Variants in FHL1 observed in about 807,000 individuals in gnomAD.
FHL1 encodes the protein four and a half LIM domains protein 1.
A neutral mutation model predicts 20.3 loss-of-function variants in FHL1; 1 was observed. That is an observed-to-expected ratio of 0.05 (90% CI 0.02 to 0.23). The LOEUF (loss-of-function observed/expected upper bound fraction) is 0.23, where lower values mean the gene tolerates loss of function less well. Among genes scored for constraint, FHL1 ranks in the 10% least tolerant of loss-of-function variants. FHL1 has a pLI of 1.00. For synonymous variants in FHL1, 82 were observed against 88.9 expected (o/e 0.92, Z 0.44); for missense variants, 177 against 234.0 (o/e 0.76, Z 1.59).
In FHL1 at chrX:136,182,390, A is replaced by C. The variant is rs143118125; in HGVS notation, c.-27+12410A>C. 3.6e-3 allele frequency among the ~76,000 whole-genome samples: 403 copies of C among 112,153 alleles called. 1 individual carries two copies. The highest frequency in any genetic ancestry group is 0.012 in the African/African-American group (368 of 30,903). ...CCCTGGTGTCAAGGTGTTAAGTGCA[A>C]ATTATTATTATTATTTTTTAAAGAA... On this transcript the variant is annotated intron_variant, in intron 2 of 6. Transcript: ENST00000394153.
upstream of FHL1, among the ~76,000 whole-genome samples, chrX:136,194,788 C>G (rs960172696): frequency 8.9e-6 from 1 of 112,150 alleles, no homozygotes; most frequent in African/African-American, 3.2e-5. Flanking sequence ...AAGTTACCAA[C>G]TATTCTTCCT....
At chrX:136,151,635 C>G (rs1431180898) in intron 1 of FHL1, among the ~76,000 whole-genome samples, 1 of 112,037 alleles carries the variant, frequency 8.9e-6, no homozygotes, top group Non-Finnish European at 1.9e-5. Context: ...ATCGCTTGGA[C>G]CCAGGAGGCG....
intron 2 of FHL1, among the ~76,000 whole-genome samples, chrX:136,190,240 C>T (rs1271829300): frequency 9.0e-6 from 1 of 111,259 alleles, no homozygotes; most frequent in Non-Finnish European, 1.9e-5. Context: ...ACTTCGTGTT[C>T]CTGTCATTCT....
intron 2 of FHL1, among the ~76,000 whole-genome samples, chrX:136,171,454 A>G (rs2072865173): frequency 9.0e-6 from 1 of 111,468 alleles, no homozygotes; most frequent in Non-Finnish European, 1.9e-5. Flanking sequence ...TTTCCCACAG[A>G]AGAGGCTAGA....
chrX:136,205,410 G>C (rs2073815303), intron 1 of FHL1, among the ~76,000 whole-genome samples: 1 of 111,895 alleles, frequency 8.9e-6, no homozygotes. Context: ...ATCCCAAATG[G>C]TAATACTGGT....
intron 1 of FHL1, among the ~76,000 whole-genome samples, chrX:136,200,406 C>T (rs2073678356): frequency 9.0e-6 from 1 of 111,588 alleles, no homozygotes; most frequent in South Asian, 3.7e-4. Context: ...GCATTAGGTT[C>T]ATAAGTCCAT....
intron 2 of FHL1, among the ~76,000 whole-genome samples, chrX:136,179,889 T>G (rs780467702): frequency 8.9e-6 from 1 of 112,012 alleles, no homozygotes; most frequent in Non-Finnish European, 1.9e-5. Flanking sequence ...TCCTACCACC[T>G]AGAGTCAGCA....
chrX:136,205,468 G>A (rs898268605), intron 1 of FHL1, among the ~76,000 whole-genome samples: 1 of 111,850 alleles, frequency 8.9e-6, no homozygotes, highest in African/African-American at 3.3e-5. Flanking sequence ...CTCAAGGGAG[G>A]GTTTGATTTT....
intron 2 of FHL1, among the ~76,000 whole-genome samples, chrX:136,184,377 G>A (rs865877920): frequency 9.0e-6 from 1 of 111,481 alleles, no homozygotes; most frequent in African/African-American, 3.3e-5. Context: ...AAAATACCCC[G>A]TACAAATATG....
chrX:136,161,751 T>TA lies in FHL1; in HGVS notation c.-100-8155dup, dbSNP rs769868337. ...TACTTAGTAAGATGAAATAAAAAAA[T>TA]ATTTATCCAGTGCTTACTCTAAGGA... On this transcript the variant is annotated intron_variant, in intron 1 of 7. Transcript: ENST00000394155. Among the ~76,000 whole-genome samples, 28 of 111,453 alleles carry TA rather than the reference T, an allele frequency of 2.5e-4. No homozygotes were observed. The South Asian group carries it at 0.011, about 42-fold the overall frequency.
chrX:136,181,640 T>C (rs2073161098), intron 2 of FHL1, among the ~76,000 whole-genome samples: 1 of 112,459 alleles, frequency 8.9e-6, no homozygotes, highest in Admixed American at 9.4e-5. Flanking sequence ...CCACATTCTG[T>C]GCCCATAGTT....
At chrX:136,176,356 C>T (rs995132712) in intron 2 of FHL1, among the ~76,000 whole-genome samples, 1 of 112,521 alleles carries the variant, frequency 8.9e-6, no homozygotes, top group African/African-American at 3.2e-5. Context: ...GCTGTATTCC[C>T]TATTTCAGAT....
chrX:136,182,490 T>C lies in FHL1; in HGVS notation c.-27+12510T>C, dbSNP rs756364738. On this transcript the variant is annotated intron_variant, in intron 2 of 6. Coordinates refer to the FHL1 transcript ENST00000394153. Reference sequence around the variant, plus strand: ...TTCTCGTGTATGGCTTTTGCTCCTATTTATGTGGAAAGCACGCCCTACATT... The same window carrying C: ...TTCTCGTGTATGGCTTTTGCTCCTACTTATGTGGAAAGCACGCCCTACATT... Among the ~76,000 whole-genome samples, 67 of 112,326 alleles carry C rather than the reference T, an allele frequency of 6.0e-4. 1 individual carries two copies. Among genetic ancestry groups the C allele is most frequent in the Non-Finnish European group, 8.6e-4 (46 of 53,284 alleles).
exon 2 of FHL1, chrX:136,169,974 G>T (rs184218793): frequency 3.0e-6 from 1 of 328,963 alleles, no homozygotes; most frequent in African/African-American, 2.7e-5. Context: ...CACACATCCA[G>T]CGTGAGGTAA....
chrX:136,207,675 C>T, intron 3 of FHL1, 117 bp from the exon 4 acceptor site: 1 of 776,536 alleles, frequency 1.3e-6, no homozygotes, highest in Non-Finnish European at 1.9e-6. Context: ...AGGTGTGAGG[C>T]CAGTAACTGC....
At chrX:136,184,385 A>G (rs544897047) in intron 2 of FHL1, among the ~76,000 whole-genome samples, 1 of 111,856 alleles carries the variant, frequency 8.9e-6, no homozygotes, top group South Asian at 3.7e-4. Context: ...CCGTACAAAT[A>G]TGCAGAGGAG....
intron 2 of FHL1, among the ~76,000 whole-genome samples, chrX:136,178,385 A>G (rs2073060191): frequency 1.8e-5 from 2 of 112,013 alleles, no homozygotes; most frequent in African/African-American, 6.5e-5. Flanking sequence ...TGTGCTTTGT[A>G]GAGCATCTCT....
intron 4 of FHL1, 23 bp from the exon 5 acceptor site, chrX:136,208,432 C>T (rs369880235): frequency 3.8e-5 from 46 of 1,207,845 alleles, no homozygotes; most frequent in East Asian, 8.9e-5. Flanking sequence ...AATCTGAATC[C>T]GGTGCTACAC....
intron 5 of FHL1, chrX:136,209,228 T>A (rs781745050): frequency 8.4e-7 from 1 of 1,195,002 alleles, no homozygotes; most frequent in Non-Finnish European, 1.1e-6. Context: ...TTGAGAAGAC[T>A]TTTGCCATCC....
Sources: allele counts gnomAD v4.1 joint callset (sites outside exome capture counted in the v4.1 genomes callset), GRCh38; gene constraint gnomAD v4.1.1; transcripts MANE v1.5; gene names NCBI Gene and HGNC (gene_info 2026-07-23, HGNC 2026-07-21).